Variants in USH2A observed in about 807,000 individuals in gnomAD.
USH2A encodes the protein Usher syndrome 2A (autosomal recessive, mild).
In USH2A, 443 loss-of-function variants were observed where a neutral mutation model predicts 538.9. The ratio of observed to expected loss-of-function variants is 0.82; its 90% CI spans 0.76 to 0.89. The LOEUF (loss-of-function observed/expected upper bound fraction) is 0.89. Ranked by LOEUF, USH2A falls within the 40% of genes least tolerant of loss-of-function variation. The pLI, the probability that USH2A is intolerant of heterozygous loss-of-function variation, is 0.00. For missense variants in USH2A, 6,633 were observed against 6,324.8 expected, an observed-to-expected ratio of 1.05 and a Z score of -1.65; for synonymous variants, 2,413 against 2,273.5, an observed-to-expected ratio of 1.06 and a Z score of -1.75.
chr1:215,806,471 T>C (rs751715194), intron 49 of USH2A, among the ~76,000 whole-genome samples: 5 of 152,050 alleles, frequency 3.3e-5, no homozygotes, highest in Non-Finnish European at 7.4e-5. Flanking sequence ...GTCTCCAAGA[T>C]CCTCTGGGGC....
intron 32 of USH2A, among the ~76,000 whole-genome samples, chr1:216,007,158 T>C (rs551700921): frequency 5.2e-4 from 79 of 152,264 alleles, no homozygotes; most frequent in African/African-American, 1.6e-3. Context: ...TCTGCCATGA[T>C]TGTGAGGCCT....
Position 216,070,085 on chromosome 1 carries a change from A to G in USH2A, c.6049+16T>C. On this transcript the variant is annotated intron_variant, in intron 30 of 71. Transcript: ENST00000307340. Reference sequence around the variant, plus strand: ...GGAAGTTAATAGGGTCTACTCTGTTAAAGGATTGCATTTACCTGTGAGGTT... The same window carrying G: ...GGAAGTTAATAGGGTCTACTCTGTTGAAGGATTGCATTTACCTGTGAGGTT... The G allele has an allele frequency of 6.2e-7, 1 of 1,613,628 alleles. No homozygotes were observed.
At position 216,247,022 on chromosome 1, in the gene USH2A, T is replaced by C. The variant is rs751837078; in HGVS notation, c.2372A>G (p.Asn791Ser). 1.2e-5 allele frequency: 19 copies of C among 1,613,942 alleles called. No homozygotes were observed. Among genetic ancestry groups the C allele is most frequent in the Middle Eastern group, 1.6e-4 (1 of 6,084 alleles). The change falls in exon 13 of 72, where the codon AAT becomes AGT. Residue 791 changes from asparagine (N) to serine (S), a missense_variant. Physicochemically the swap from Asn to Ser is conservative, Grantham distance 46. Transcript: ENST00000307340. ...TGTGTCACAGTCACAGGCCTTACAA[T>C]TGGTGACATCTAACCCATAAAAGTT... ...RENFYGLDVTNCKACDCDTAG... is the reference protein window; with the variant it reads ...RENFYGLDVTSCKACDCDTAG...
At chr1:216,052,199 G>C (rs915989790) in intron 30 of USH2A, among the ~76,000 whole-genome samples, 3 of 151,970 alleles carry the variant, frequency 2.0e-5, no homozygotes, top group African/African-American at 4.8e-5. Flanking sequence ...TTACCAAATT[G>C]TATTGTATTT....
chr1:216,044,301 C>T (rs1016499210), intron 32 of USH2A, among the ~76,000 whole-genome samples: 3 of 152,122 alleles, frequency 2.0e-5, no homozygotes. Context: ...TATCCCATTA[C>T]ATGCAATGTT....
chr1:216,014,055 T>C (rs764180637), intron 32 of USH2A, among the ~76,000 whole-genome samples: 3 of 150,490 alleles, frequency 2.0e-5, no homozygotes, highest in Non-Finnish European at 3.0e-5. Context: ...GAAATGTTAC[T>C]AGTGTTCTTT....
chr1:216,155,211 T>A (rs1407069452), intron 21 of USH2A, among the ~76,000 whole-genome samples: 2 of 152,096 alleles, frequency 1.3e-5, no homozygotes, highest in East Asian at 3.9e-4. Context: ...TCCCTAAAAC[T>A]AACCTCCTCC....
At chr1:216,329,927 T>C (rs1212753167) in intron 4 of USH2A, among the ~76,000 whole-genome samples, 1 of 152,124 alleles carries the variant, frequency 6.6e-6, no homozygotes, top group Non-Finnish European at 1.5e-5. Flanking sequence ...TTTCATGTTA[T>C]CCAATTTGCT....
intron 38 of USH2A, chr1:215,901,260 A>C: frequency 2.8e-6 from 1 of 355,882 alleles, no homozygotes; most frequent in South Asian, 2.2e-5. Flanking sequence ...CAACAGACCA[A>C]ACAATTGAAC....
chr1:216,276,598 G>A (rs929461011), intron 11 of USH2A, among the ~76,000 whole-genome samples: 1 of 152,052 alleles, frequency 6.6e-6, no homozygotes, highest in African/African-American at 2.4e-5. Context: ...CTGTTTTCAC[G>A]CTGGTGATAA....
chr1:216,150,277 C>T (rs1238316095), intron 21 of USH2A, among the ~76,000 whole-genome samples: 2 of 152,070 alleles, frequency 1.3e-5, no homozygotes, highest in East Asian at 3.9e-4. Flanking sequence ...CTCTTAACTC[C>T]CTCTTAAAGT....
intron 13 of USH2A, among the ~76,000 whole-genome samples, chr1:216,241,010 G>A (rs752294374): frequency 1.3e-5 from 2 of 152,198 alleles, no homozygotes; most frequent in East Asian, 3.9e-4. Flanking sequence ...ATGCCAAAGA[G>A]AGTCCTGAAA....
At chr1:216,415,456 A>G (rs576908106) in intron 3 of USH2A, among the ~76,000 whole-genome samples, 7 of 151,666 alleles carry the variant, frequency 4.6e-5, no homozygotes, top group Non-Finnish European at 1.0e-4. Context: ...ACTACAGAGT[A>G]GCATAACCTA....
chr1:215,627,441 C>CTTCCTTCT lies in USH2A; in HGVS notation c.15519+1372_15519+1373insAGAAGGAA, dbSNP rs1558027526. ...CCTTCCTTCCTTCCTTCCTTCCTTCCTTCCTTCCTTCCTTCCTTCCTTCCT... is the reference window on the plus strand; with the variant it reads ...CCTTCCTTCCTTCCTTCCTTCCTTCCTTCCTTCTTTCCTTCCTTCCTTCCTTCCTTCCT... On this transcript the variant is annotated intron_variant, in intron 71 of 71. Transcript: ENST00000307340. 3.6e-4 allele frequency among the ~76,000 whole-genome samples: 20 copies of CTTCCTTCT among 55,102 alleles called. 1 individual carries two copies. Among genetic ancestry groups the CTTCCTTCT allele is most frequent in the African/African-American group, 1.0e-3 (18 of 17,796 alleles). 36.1% of individuals were successfully genotyped at this position (55,102 alleles called of 152,430 possible).
rs75175965 is a variant in USH2A, at chr1:215,769,667, G to T, written c.10940-2879C>A. ...TAGGTTCACCTAGCAGGATATGGGG[G>T]TAGGGCTGGTGGAAGGAATTTGCTT... On this transcript the variant is annotated intron_variant, in intron 55 of 71. Transcript: ENST00000307340. Among the ~76,000 whole-genome samples the T allele has an allele frequency of 8.0e-3, 1,225 of 152,210 alleles. 8 individuals carry two copies. The highest frequency in any genetic ancestry group is 0.027 in the African/African-American group (1,119 of 41,532).
chr1:215,770,455 A>C (rs1335261784), intron 55 of USH2A, among the ~76,000 whole-genome samples: 3 of 152,164 alleles, frequency 2.0e-5, no homozygotes, highest in Non-Finnish European at 4.4e-5. Flanking sequence ...ACACCAGCAC[A>C]AAAACTATAA....
intron 35 of USH2A, among the ~76,000 whole-genome samples, chr1:215,974,188 A>G (rs2102461232): frequency 6.6e-6 from 1 of 152,274 alleles, no homozygotes; most frequent in East Asian, 1.9e-4. Context: ...CGGTAAGTCT[A>G]AAACACCTAT....
chr1:216,223,420 C>T (rs751909307), intron 14 of USH2A, among the ~76,000 whole-genome samples: 2 of 152,166 alleles, frequency 1.3e-5, no homozygotes, highest in Non-Finnish European at 2.9e-5. Flanking sequence ...TCCCTCTGTG[C>T]AGGTCCTTTG....
rs749228276 is a variant in USH2A, at chr1:215,798,983, G to C, written c.9882C>G (p.Cys3294Trp). The change falls in exon 50 of 72, where the codon TGC becomes TGG. Residue 3294 changes from cysteine to tryptophan, a missense_variant. Physicochemically the swap from Cys to Trp is radical, Grantham distance 215 (BLOSUM62 -2). Transcript: ENST00000307340. ...CGTTGCTCACAATCTGTCTGCCACA[G>C]CACTTCTGGCCATGGCCATCATGAA... ...GRLHDGHGQK[C>W]CGRQIVSNDL... 3.2e-5 allele frequency: 52 copies of C among 1,613,968 alleles called. No homozygotes were observed. The highest frequency in any genetic ancestry group is 4.2e-5 in the Non-Finnish European group (50 of 1,180,004).
Sources: allele counts gnomAD v4.1 joint callset (sites outside exome capture counted in the v4.1 genomes callset), GRCh38; gene constraint gnomAD v4.1.1; transcripts MANE v1.5; gene names NCBI Gene and HGNC (gene_info 2026-07-23, HGNC 2026-07-21).